The following NCF2 variants were observed in gnomAD, a reference collection of about 807,000 sequenced individuals.
NCF2 encodes neutrophil cytosol factor 2.
NCF2 carries 45 observed loss-of-function variants against 70.9 expected under a neutral mutation model. The observed-to-expected ratio is 0.63, with a 90% CI of 0.50 to 0.81. The LOEUF is 0.81. Ranked by LOEUF, NCF2 falls within the 40% of genes least tolerant of loss-of-function variation. The probability of loss-of-function intolerance (pLI) is 0.00; values close to 1 mark genes in which losing one functional copy is unlikely to be tolerated. For synonymous variants in NCF2, 203 were observed against 233.6 expected (o/e 0.87, Z 1.19); for missense variants, 522 against 631.6 (o/e 0.83, Z 1.86).
chr1:183,565,209 C>G (rs551909408), intron 10 of NCF2, among the ~76,000 whole-genome samples: 3 of 152,218 alleles, frequency 2.0e-5, no homozygotes, highest in Non-Finnish European at 4.4e-5. Flanking sequence ...CTTCCCAAGA[C>G]AGCCCTCTCC....
the NCF2 span, among the ~76,000 whole-genome samples, chr1:183,597,304 T>A: frequency 6.6e-6 from 1 of 152,182 alleles, no homozygotes; most frequent in Non-Finnish European, 1.5e-5. Flanking sequence ...GGATAGTTTT[T>A]GTGTGTGTTT....
At chr1:183,573,605 C>T (rs778760117) in intron 4 of NCF2, among the ~76,000 whole-genome samples, 7 of 152,070 alleles carry the variant, frequency 4.6e-5, no homozygotes, top group African/African-American at 7.2e-5. Flanking sequence ...GGCACCACCA[C>T]GACAAGGCTG....
chr1:183,577,529 G>T, intron 3 of NCF2, 70 bp downstream of exon 3: 2 of 1,220,942 alleles, frequency 1.6e-6, no homozygotes, highest in Non-Finnish European at 2.4e-6. Context: ...AGATCACTGT[G>T]CATCTGAACT....
At chr1:183,558,965 T>C (rs2102873335) in intron 14 of NCF2, among the ~76,000 whole-genome samples, 1 of 152,374 alleles carries the variant, frequency 6.6e-6, no homozygotes, top group South Asian at 2.1e-4. Context: ...GTGCACAGAC[T>C]CAGCGTATGA....
chr1:183,581,370 C>T (rs1673065916), intron 2 of NCF2, among the ~76,000 whole-genome samples: 1 of 151,256 alleles, frequency 6.6e-6, no homozygotes, highest in African/African-American at 2.4e-5. Flanking sequence ...GAGGTTTGAG[C>T]CTGCAGTTCC....
intron 2 of NCF2, among the ~76,000 whole-genome samples, chr1:183,580,941 T>C (rs1673033292): frequency 6.8e-6 from 1 of 147,054 alleles, no homozygotes; most frequent in South Asian, 2.1e-4. Flanking sequence ...ACCATGCCAC[T>C]GCACTCCAGC....
intron 8 of NCF2, 77 bp from the exon 9 acceptor site, chr1:183,567,065 A>G (rs1014250380): frequency 2.4e-5 from 38 of 1,608,000 alleles, no homozygotes; most frequent in Middle Eastern, 1.6e-4. Context: ...AGAACAGCCC[A>G]GAGTCCTGGG....
chr1:183,597,153 G>A, the NCF2 span, among the ~76,000 whole-genome samples: 1 of 152,142 alleles, frequency 6.6e-6, no homozygotes, highest in Non-Finnish European at 1.5e-5. Flanking sequence ...TCCCTTTTTG[G>A]ATGCAGTTGG....
intron 2 of NCF2, among the ~76,000 whole-genome samples, chr1:183,583,270 T>C (rs1358874421): frequency 2.0e-5 from 3 of 152,194 alleles, no homozygotes; most frequent in African/African-American, 7.2e-5. Context: ...GCCAGGCTGG[T>C]TTCAAACTCT....
intron 2 of NCF2, among the ~76,000 whole-genome samples, chr1:183,580,745 G>A (rs934088090): frequency 6.6e-6 from 1 of 152,176 alleles, no homozygotes; most frequent in African/African-American, 2.4e-5. Flanking sequence ...GGGAGGCCAA[G>A]GCAGGCGGAT....
intron 6 of NCF2, 127 bp downstream of exon 6, chr1:183,570,644 ATCCCTCAGC>A: frequency 2.4e-5 from 20 of 850,446 alleles, no homozygotes; most frequent in Non-Finnish European, 3.9e-5. Context: ...GGGCAGGCAG[ATCCCTCAGC>A]TGCACTGAGG....
chr1:183,556,214 C>T lies in NCF2; in HGVS notation c.1485G>A (p.Leu495=). The T allele has an allele frequency of 1.2e-6, 2 of 1,614,082 alleles. No homozygotes were observed. The highest frequency in any genetic ancestry group is 1.7e-6 in the Non-Finnish European group (2 of 1,179,964). ...LVLSKVNEEW[L]EGECKGKVGI... ...CCACCTTCCCTTTGCACTCCCCTTC[C>T]AGCCATTCTTCATTCACTGATAAAA... The change falls in exon 15 of 15, where the codon CTG becomes CTA. Residue 495 remains leucine, a synonymous_variant. Coordinates refer to ENST00000367535, the MANE Select transcript of NCF2 (RefSeq NM_000433.4).
the NCF2 span, among the ~76,000 whole-genome samples, chr1:183,599,411 T>C: frequency 4.5e-5 from 6 of 132,616 alleles, no homozygotes; most frequent in Admixed American, 7.7e-5. Context: ...TTTTTCTTTC[T>C]TTCTTTCTTT....
Position 183,563,231 on chromosome 1 carries a change from T to C in NCF2, c.1254A>G (p.Lys418=), listed in dbSNP as rs1244040870. ...DSMKDAWGQV[K]NYCLTLWCEN... ...CACACCACAGAGTCAGGCAGTAGTT[T>C]TTCACCTGGCCCCAGGCATCCTTCA... Residue 418 remains lysine, a synonymous_variant, in exon 13 of 15, where the codon AAA becomes AAG. Coordinates refer to ENST00000367535, the MANE Select transcript of NCF2 (RefSeq NM_000433.4). The C allele has an allele frequency of 1.2e-6, 2 of 1,614,186 alleles. No homozygotes were observed. The highest frequency in any genetic ancestry group is 1.7e-6 in the Non-Finnish European group (2 of 1,180,028).
intron 1 of NCF2, 77 bp from the exon 2 acceptor site, chr1:183,587,054 C>T: frequency 7.3e-7 from 1 of 1,365,452 alleles, no homozygotes; most frequent in Admixed American, 1.7e-5. Flanking sequence ...GCTCACAGAG[C>T]CCTAGCTCCC....
intron 12 of NCF2, 45 bp from the exon 13 acceptor site, chr1:183,563,351 A>G (rs1480262432): frequency 6.2e-7 from 1 of 1,613,850 alleles, no homozygotes; most frequent in South Asian, 1.1e-5. Context: ...GAACATCATC[A>G]CAAAAACCAT....
At chr1:183,575,634 G>C (rs1672769783) in intron 3 of NCF2, among the ~76,000 whole-genome samples, 1 of 152,194 alleles carries the variant, frequency 6.6e-6, no homozygotes, top group South Asian at 2.1e-4. Flanking sequence ...ATGGAAATTA[G>C]GGGGTGTGAC....
chr1:183,564,068 G>A, intron 10 of NCF2, 38 bp from the exon 11 acceptor site: 1 of 1,593,982 alleles, frequency 6.3e-7, no homozygotes, highest in Non-Finnish European at 8.6e-7. Context: ...AAAAGAAGAT[G>A]GTGAATGAAC....
At chr1:183,563,895 C>T (rs1012247114) in intron 11 of NCF2, 110 bp downstream of exon 11, 46 of 1,295,208 alleles carry the variant, frequency 3.6e-5, no homozygotes, top group Admixed American at 3.0e-4. Flanking sequence ...GCAACTGGTT[C>T]GACCCTCCCT....
Sources: allele counts gnomAD v4.1 joint callset (sites outside exome capture counted in the v4.1 genomes callset), GRCh38; gene constraint gnomAD v4.1.1; transcripts MANE v1.5; gene names NCBI Gene and HGNC (gene_info 2026-07-23, HGNC 2026-07-21).